Variants in MYO16 observed in about 807,000 individuals in gnomAD.
MYO16 encodes the protein myosin XVI.
In MYO16, 94 loss-of-function variants were observed where a neutral mutation model predicts 205.3. The ratio of observed to expected loss-of-function variants is 0.46; its 90% CI spans 0.39 to 0.54. MYO16 has a LOEUF of 0.54. Among genes scored for constraint, MYO16 ranks in the 20% least tolerant of loss-of-function variants. MYO16 has a pLI of 0.00. For synonymous variants in MYO16, 988 were observed against 954.0 expected, an observed-to-expected ratio of 1.04 and a Z score of -0.66; for missense variants, 2,315 against 2,387.5, an observed-to-expected ratio of 0.97 and a Z score of 0.63.
At chr13:108,644,718 T>C (rs1571074) in intron 1 of MYO16, among the ~76,000 whole-genome samples, 5,723 of 152,250 alleles carry the variant, frequency 0.038, 140 homozygotes, top group Middle Eastern at 0.071. Flanking sequence ...AAATGACATT[T>C]CAAAAGTATA....
chr13:109,057,399 G>A (rs1219419560), intron 27 of MYO16, among the ~76,000 whole-genome samples: 1 of 152,154 alleles, frequency 6.6e-6, no homozygotes, highest in African/African-American at 2.4e-5. Flanking sequence ...TTTAAAAGGT[G>A]CTTGTAAATG....
intron 11 of MYO16, among the ~76,000 whole-genome samples, chr13:108,864,084 G>A (rs960208634): frequency 3.3e-5 from 5 of 151,994 alleles, no homozygotes. Flanking sequence ...GAGTTTTGCT[G>A]GGGTAAATTG....
At chr13:109,103,853 C>T (rs1683763057) in intron 28 of MYO16, among the ~76,000 whole-genome samples, 1 of 152,120 alleles carries the variant, frequency 6.6e-6, no homozygotes, top group African/African-American at 2.4e-5. Flanking sequence ...TTTAGGTAGT[C>T]ACAGGTTTGT....
At chr13:108,935,635 T>C (rs7988158) in intron 16 of MYO16, among the ~76,000 whole-genome samples, 41,491 of 152,030 alleles carry the variant, frequency 0.27, 7,229 homozygotes, top group African/African-American at 0.49. Context: ...TCTCTGGCTA[T>C]GACTTCTGGT....
intron 4 of MYO16, among the ~76,000 whole-genome samples, chr13:108,762,129 G>T (rs1189872431): frequency 6.6e-6 from 1 of 152,140 alleles, no homozygotes; most frequent in African/African-American, 2.4e-5. Flanking sequence ...TTTCACTTAA[G>T]ATAGTGGCCT....
At chr13:108,953,612 C>G (rs1594421999) in intron 16 of MYO16, among the ~76,000 whole-genome samples, 1 of 147,404 alleles carries the variant, frequency 6.8e-6, no homozygotes, top group Non-Finnish European at 1.5e-5. Context: ...TTAAATATGT[C>G]TCCAGATTCT....
At chr13:108,521,467 A>G in the MYO16 span, among the ~76,000 whole-genome samples, 2 of 152,164 alleles carry the variant, frequency 1.3e-5, no homozygotes, top group African/African-American at 2.4e-5. Context: ...ATTATCTACA[A>G]AGTCTATTTC....
At chr13:108,874,667 C>T (rs893833538) in intron 12 of MYO16, among the ~76,000 whole-genome samples, 5 of 150,504 alleles carry the variant, frequency 3.3e-5, no homozygotes, top group Admixed American at 1.3e-4. Flanking sequence ...ACAAGTGCTG[C>T]GCCCAGAGGC....
rs956874545 is a variant in MYO16 at position 109,100,797 on chromosome 13, G to A, written c.3348G>A (p.Leu1116=). The part of the protein sequence containing the change: ...FSDFLSRYKP[L]ADTFLREKKE... The stretch of plus-strand genomic sequence containing the variant: ...CTGCTTTTCACAGGTATAAGCCACT[G>A]GCTGATACATTCCTGCGTGAGAAGA... The change falls in exon 28 of 35, where the codon CTG becomes CTA. Residue 1116 remains leucine (L), a synonymous_variant. Transcript: ENST00000457511. 11 of 1,613,074 alleles carry A rather than the reference G, an allele frequency of 6.8e-6. No individual in the cohort carries two copies. In the South Asian group the frequency reaches 7.7e-5, roughly 11 times the overall value.
intron 4 of MYO16, among the ~76,000 whole-genome samples, chr13:108,752,737 G>A (rs1028359335): frequency 6.7e-6 from 1 of 148,202 alleles, no homozygotes; most frequent in Non-Finnish European, 1.5e-5. Context: ...TGCCGCCGGG[G>A]TTCAAGTGAT....
intron 9 of MYO16, among the ~76,000 whole-genome samples, chr13:108,831,259 G>A (rs982425392): frequency 2.0e-5 from 3 of 152,176 alleles, no homozygotes; most frequent in African/African-American, 7.2e-5. Flanking sequence ...ACCGGGCATA[G>A]AGTTGCCAGG....
rs759033113 is a variant in MYO16 at position 109,140,315 on chromosome 13, T to C, written c.4103T>C (p.Ile1368Thr). ...GACGACTACAGCACCATGAAGAAGA[T>C]TCCTCCTCGAAAGCCCAAGCGCAGC... is the stretch of plus-strand genomic sequence containing the variant. ...HSDDYSTMKK[I>T]PPRKPKRSPN... The change falls in exon 32 of 35, where the codon ATT (isoleucine) becomes ACT (threonine). Residue 1368 changes from isoleucine (I) to threonine (T), a missense_variant. Transcript: ENST00000457511. This position sits in a 1 kb window ranked among gnomAD's most constrained non-coding sequence, Gnocchi z 8.0. 3.7e-6 allele frequency: 6 copies of C among 1,602,374 alleles called. No individual in the cohort carries two copies. The highest frequency in any genetic ancestry group is 8.5e-7 in the Non-Finnish European group (1 of 1,179,316).
the MYO16 span, among the ~76,000 whole-genome samples, chr13:108,578,973 C>T: frequency 1.6e-3 from 243 of 150,954 alleles, 1 homozygote; most frequent in African/African-American, 5.7e-3. Context: ...TATATGCGAG[C>T]GTCAGAACAC....
chr13:108,553,393 CTT>C, the MYO16 span, among the ~76,000 whole-genome samples: 1 of 152,160 alleles, frequency 6.6e-6, no homozygotes, highest in Non-Finnish European at 1.5e-5. Flanking sequence ...TTGACAGGCT[CTT>C]TTATATTTAC....
At position 109,189,057 on chromosome 13, in the gene MYO16, G is replaced by A. The variant is rs143286353; in HGVS notation, c.5415+9424G>A. ...TGCAGTGAGCAGAGACAGTGTAATT[G>A]TACTTCAGCCTGGGCAACAAGAGCA... On this transcript the variant is annotated intron_variant, in intron 34 of 34. Transcript: ENST00000457511. Among the ~76,000 whole-genome samples, 234 of 151,690 alleles carry A rather than the reference G, an allele frequency of 1.5e-3. 3 individuals carry two copies. In the East Asian group the frequency reaches 0.03, roughly 19 times the overall value.
In MYO16 at chr13:108,911,066, C is replaced by CACACACAGAGAG. The variant is rs59417999; in HGVS notation, c.1925+917_1925+918insCACACAGAGAGA. ...ACACACACACACACACACACACACA[C>CACACACAGAGAG]AGAGAGAGAGAAGGGTTGCTTCACT... On this transcript the variant is annotated intron_variant, in intron 16 of 34. Coordinates refer to ENST00000457511, the MANE Select transcript of MYO16 (RefSeq NM_001198950.3). Among the ~76,000 whole-genome samples, 16 of 143,130 alleles carry CACACACAGAGAG rather than the reference C, an allele frequency of 1.1e-4. No homozygotes were observed. The South Asian group carries it at 1.4e-3, about 13-fold the overall frequency. 93.9% of individuals were successfully genotyped at this position (143,130 alleles called of 152,430 possible). A position where few individuals can be genotyped will look rare whatever the true frequency, so the allele number is the denominator to read the frequency against.
intron 6 of MYO16, among the ~76,000 whole-genome samples, chr13:108,800,436 T>C (rs1175346597): frequency 2.0e-5 from 3 of 152,302 alleles, no homozygotes; most frequent in Admixed American, 6.5e-5. Context: ...CTTTTTCTCC[T>C]TTTGTCTTTA....
rs762907318 is a variant in MYO16, at chr13:109,141,240, C to A, written c.5028C>A (p.Ala1676=). The change falls in exon 32 of 35, where the codon GCC becomes GCA. Residue 1676 remains alanine (A), a synonymous_variant. Transcript: ENST00000457511. The surrounding 1 kb of genome is among the most constrained non-coding windows in gnomAD (Gnocchi z 4.1). ...RADARKAGSS[A]SPPAPYSPPS... ...ACGCCAGGAAGGCCGGCTCCAGTGC[C>A]TCGCCCCCCGCGCCCTACAGCCCTC... 1 of 1,605,696 alleles carries A rather than the reference C, an allele frequency of 6.2e-7. No individual in the cohort carries two copies. Among genetic ancestry groups the A allele is most frequent in the South Asian group, 1.1e-5 (1 of 90,586 alleles).
chr13:108,582,523 T>C, the MYO16 span, among the ~76,000 whole-genome samples: 4 of 152,174 alleles, frequency 2.6e-5, no homozygotes, highest in Admixed American at 6.6e-5. Context: ...CAGAAAGATA[T>C]CTAAGCAGAG....
Sources: gnomAD v4.1 joint callset for allele counts (sites outside exome capture counted in the v4.1 genomes callset) on GRCh38, gnomAD v4.1.1 for gene constraint, Gnocchi (gnomAD v3.1) non-coding constraint, MANE v1.5 for transcripts, NCBI Gene and HGNC (gene_info 2026-07-23, HGNC 2026-07-21) for gene names.